Variants in RTL4 observed in about 807,000 individuals in gnomAD.
RTL4 encodes the protein retrotransposon Gag like 4.
Under a neutral mutation model 5.3 loss-of-function variants are expected in RTL4, and 4 were observed. The ratio of observed to expected loss-of-function variants is 0.75; its 90% CI spans 0.37 to 1.72. The LOEUF (loss-of-function observed/expected upper bound fraction) is 1.72. RTL4 is among the 40% of genes most tolerant of loss of function. The pLI is 0.04. For synonymous variants in RTL4, 98 were observed against 87.3 expected (o/e 1.12, Z -0.68); for missense variants, 260 against 227.1 (o/e 1.14, Z -0.93).
the RTL4 span, among the ~76,000 whole-genome samples, chrX:112,393,147 C>CTTTTTTTT: frequency 9.8e-5 from 8 of 81,427 alleles, no homozygotes; most frequent in Non-Finnish European, 1.4e-4. Flanking sequence ...TTCTTTCTTT[C>CTTTTTTTT]TTTTTTTTTT....
the RTL4 span, among the ~76,000 whole-genome samples, chrX:112,153,425 A>G: frequency 8.9e-6 from 1 of 112,160 alleles, no homozygotes; most frequent in Admixed American, 9.4e-5. Flanking sequence ...TTCCCAATCA[A>G]TCAAAGTGAA....
At chrX:112,385,367 A>G in the RTL4 span, among the ~76,000 whole-genome samples, 2 of 95,933 alleles carry the variant, frequency 2.1e-5, no homozygotes, top group African/African-American at 7.7e-5. Context: ...TAATTATTGA[A>G]TAAGGTACAA....
exon 1 of RTL4, chrX:112,456,428 C>T (rs927263530): frequency 3.2e-6 from 1 of 308,375 alleles, no homozygotes; most frequent in Non-Finnish European, 5.9e-6. Flanking sequence ...TAGCCAAGCC[C>T]ACCAATTCCA....
At chrX:112,367,045 G>A in the RTL4 span, among the ~76,000 whole-genome samples, 816 of 111,666 alleles carry the variant, frequency 7.3e-3, 3 homozygotes, top group African/African-American at 0.025. Flanking sequence ...AAAGAACTAC[G>A]AATGGTCAAA....
the RTL4 span, among the ~76,000 whole-genome samples, chrX:112,392,500 A>G: frequency 9.0e-6 from 1 of 111,406 alleles, no homozygotes; most frequent in Admixed American, 9.4e-5. Context: ...TTCAGAACAC[A>G]CTTGTAGGAG....
At chrX:112,370,504 G>A in the RTL4 span, among the ~76,000 whole-genome samples, 2 of 111,715 alleles carry the variant, frequency 1.8e-5, no homozygotes, top group Non-Finnish European at 3.8e-5. Flanking sequence ...TTACAAGGGT[G>A]AGAAGACATT....
the RTL4 span, among the ~76,000 whole-genome samples, chrX:112,180,534 C>T: frequency 8.9e-6 from 1 of 111,938 alleles, no homozygotes; most frequent in Admixed American, 9.5e-5. Flanking sequence ...CTATTAAAAA[C>T]AACCTCAAGC....
chrX:112,187,270 C>T, the RTL4 span, among the ~76,000 whole-genome samples: 13 of 112,280 alleles, frequency 1.2e-4, no homozygotes, highest in Non-Finnish European at 7.5e-5. Context: ...AGTGAGGCTT[C>T]TGTTTCCTTC....
the RTL4 span, among the ~76,000 whole-genome samples, chrX:112,276,365 A>G: frequency 8.9e-6 from 1 of 112,053 alleles, no homozygotes; most frequent in African/African-American, 3.2e-5. Flanking sequence ...TCCCAAGAGT[A>G]AAAACAAAAC....
At chrX:112,391,860 C>T in the RTL4 span, among the ~76,000 whole-genome samples, 1 of 111,258 alleles carries the variant, frequency 9.0e-6, no homozygotes, top group Non-Finnish European at 1.9e-5. Flanking sequence ...GAGAAAGGGA[C>T]ATCAGTAGTG....
chrX:112,235,971 A>G, the RTL4 span, among the ~76,000 whole-genome samples: 1 of 111,640 alleles, frequency 9.0e-6, no homozygotes, highest in East Asian at 2.8e-4. Flanking sequence ...ATGTGGACTC[A>G]TGTATCCCAG....
At chrX:112,176,600 T>G in the RTL4 span, among the ~76,000 whole-genome samples, 7 of 111,737 alleles carry the variant, frequency 6.3e-5, no homozygotes, top group Non-Finnish European at 1.1e-4. Context: ...TGTGATATTT[T>G]GATACATGTG....
At chrX:112,203,780 C>T in the RTL4 span, among the ~76,000 whole-genome samples, 1 of 112,119 alleles carries the variant, frequency 8.9e-6, no homozygotes, top group South Asian at 3.7e-4. Context: ...ATAAGCTCGT[C>T]CATGTCTAAA....
chrX:112,128,971 G>T, the RTL4 span, among the ~76,000 whole-genome samples: 1 of 111,187 alleles, frequency 9.0e-6, no homozygotes, highest in African/African-American at 3.3e-5. Context: ...AATGTATAAA[G>T]AACACTTAGA....
the RTL4 span, among the ~76,000 whole-genome samples, chrX:112,315,569 C>T: frequency 8.9e-6 from 1 of 111,838 alleles, no homozygotes; most frequent in Non-Finnish European, 1.9e-5. Flanking sequence ...ACTCCCTTTC[C>T]CATTTTCCCC....
the RTL4 span, among the ~76,000 whole-genome samples, chrX:112,165,919 A>T: frequency 8.9e-6 from 1 of 112,565 alleles, no homozygotes; most frequent in African/African-American, 3.2e-5. Flanking sequence ...GAATGTAATC[A>T]TTAGAAATGG....
chrX:112,265,951 A>G, the RTL4 span, among the ~76,000 whole-genome samples: 1 of 110,487 alleles, frequency 9.1e-6, no homozygotes, highest in Non-Finnish European at 1.9e-5. Context: ...CACCCTCTCC[A>G]GAACCTAACT....
At chrX:112,410,158 T>C in the RTL4 span, among the ~76,000 whole-genome samples, 2 of 110,987 alleles carry the variant, frequency 1.8e-5, no homozygotes, top group African/African-American at 3.3e-5. Flanking sequence ...GATAAAGGGG[T>C]CGATTCAGCA....
chrX:112,430,593 A>G, the RTL4 span, among the ~76,000 whole-genome samples: 1 of 110,691 alleles, frequency 9.0e-6, no homozygotes, highest in Non-Finnish European at 1.9e-5. Context: ...TTATTTTTTT[A>G]TCATTTTTTC....
Sources: allele counts gnomAD v4.1 joint callset (sites outside exome capture counted in the v4.1 genomes callset), GRCh38; gene constraint gnomAD v4.1.1; transcripts MANE v1.5; gene names NCBI Gene and HGNC (gene_info 2026-07-23, HGNC 2026-07-21).